Variants in NDST2 observed in about 807,000 individuals in gnomAD.
NDST2 encodes bifunctional heparan sulfate N-deacetylase/N-sulfotransferase 2.
NDST2 carries 32 observed loss-of-function variants against 86.9 expected under a neutral mutation model. The ratio of observed to expected loss-of-function variants is 0.37; its 90% CI spans 0.28 to 0.49. The LOEUF is 0.49. Among genes scored for constraint, NDST2 ranks in the 20% least tolerant of loss-of-function variants. NDST2 has a pLI of 0.97. For missense variants in NDST2, 950 were observed against 1,146.9 expected (o/e 0.83, Z 2.48); for synonymous variants, 409 against 437.0 (o/e 0.94, Z 0.80).
intron 8 of NDST2, among the ~76,000 whole-genome samples, chr10:73,805,101 A>G (rs1047017739): frequency 2.6e-5 from 4 of 151,746 alleles, no homozygotes; most frequent in Non-Finnish European, 5.9e-5. Context: ...GGGTTTCTCC[A>G]AGTTGGTCAG....
chr10:73,802,481 C>T lies in NDST2; in HGVS notation c.2622G>A (p.Arg874=), dbSNP rs1337302175. ...RLGQPVPSWL[R]EELQHSSLG is the part of the protein sequence containing the mutation. ...CCAGACTGGAATGCTGCAGTTCTTC[C>T]CGAAGCCACGAGGGCACTGGCTGTC... is the stretch of plus-strand genomic sequence containing the variant. Residue 874 remains arginine (R), a synonymous_variant, in exon 15 of 15, where the codon CGG becomes CGA. Transcript: ENST00000309979. The T allele has an allele frequency of 3.1e-6, 5 of 1,613,488 alleles. No individual in the cohort carries two copies. Among genetic ancestry groups the T allele is most frequent in the Non-Finnish European group, 4.2e-6 (5 of 1,180,046 alleles).
chr10:73,810,992 G>A (rs1264852414), intron 1 of NDST2, 89 bp from the exon 2 acceptor site: 13 of 397,466 alleles, frequency 3.3e-5, no homozygotes, highest in Admixed American at 1.3e-4. Context: ...GGCTGGGCGG[G>A]GTGGGTGTGT....
chr10:73,811,106 C>G lies in NDST2; in HGVS notation c.-446-203G>C, dbSNP rs988128426. Among the ~76,000 whole-genome samples, 255 of 151,718 alleles carry G rather than the reference C, an allele frequency of 1.7e-3. 3 individuals carry two copies. Among genetic ancestry groups the G allele is most frequent in the Non-Finnish European group, 2.9e-4 (20 of 67,914 alleles). ...GCAGCGGCGCGGAGGCTGCGGGCGC[C>G]GAGGGGGCCCGGGGCTGGCGGGTGG... On this transcript the variant is annotated intron_variant, in intron 1 of 14. Transcript: ENST00000309979.
In NDST2 at chr10:73,802,483, G is replaced by A. The variant is rs749315697; in HGVS notation, c.2620C>T (p.Arg874Trp). 6.9e-5 allele frequency: 112 copies of A among 1,613,546 alleles called. No homozygotes were observed. The highest frequency in any genetic ancestry group is 2.0e-4 in the Admixed American group (12 of 60,004). Residue 874 changes from arginine (R) to tryptophan (W), a missense_variant, in exon 15 of 15, where the codon CGG becomes TGG. This residue lies in a region of NDST2 where 303 missense variants were observed against 323.7 expected (regional missense o/e 0.94). Transcript: ENST00000309979. Reference sequence around the variant, plus strand: ...AGACTGGAATGCTGCAGTTCTTCCCGAAGCCACGAGGGCACTGGCTGTCCA... The same window carrying A: ...AGACTGGAATGCTGCAGTTCTTCCCAAAGCCACGAGGGCACTGGCTGTCCA... ...RLGQPVPSWL[R>W]EELQHSSLG is the part of the protein sequence containing the mutation.
At position 73,806,552 on chromosome 10, in the gene NDST2, A is replaced by G. The variant is rs2084106678; in HGVS notation, c.1249-78T>C. The G allele has an allele frequency of 1.9e-6, 3 of 1,554,226 alleles. No homozygotes were observed. The highest frequency in any genetic ancestry group is 2.6e-6 in the Non-Finnish European group (3 of 1,145,472). ...GGTAAAGAGGGTGGGGAAGCCTCCAAATAAAGAAAAACGCAAAGGATAGGA... is the reference window on the plus strand; with the variant it reads ...GGTAAAGAGGGTGGGGAAGCCTCCAGATAAAGAAAAACGCAAAGGATAGGA... On this transcript the variant is annotated intron_variant, in intron 5 of 14. Transcript: ENST00000309979. This position sits in a 1 kb window ranked among gnomAD's most constrained non-coding sequence, Gnocchi z 4.5.
rs2084114696 is a variant in NDST2, at chr10:73,806,984, A to G, written c.1093+124T>C. The G allele has an allele frequency of 1.4e-6, 2 of 1,385,454 alleles. No homozygotes were observed. The highest frequency in any genetic ancestry group is 3.5e-5 in the Admixed American group (2 of 56,740). 85.8% of individuals were successfully genotyped at this position (1,385,454 alleles called of 1,614,324 possible). A position where few individuals can be genotyped will look rare whatever the true frequency, so the allele number is the denominator to read the frequency against. On this transcript the variant is annotated intron_variant, in intron 4 of 14. Coordinates refer to ENST00000309979, the MANE Select transcript of NDST2 (RefSeq NM_003635.4). The surrounding 1 kb of genome is among the most constrained non-coding windows in gnomAD (Gnocchi z 4.5). The stretch of plus-strand genomic sequence containing the variant: ...CGAACCTAAATTCATGCCCACCACT[A>G]GCTCCTCACAGCAGTCTGACCCCAA...
rs751342574 is a variant in NDST2, at chr10:73,806,722, G to A, written c.1183C>T (p.Pro395Ser). 16 of 1,614,046 alleles carry A rather than the reference G, an allele frequency of 9.9e-6. No homozygotes were observed. Among genetic ancestry groups the A allele is most frequent in the Non-Finnish European group, 1.4e-5 (16 of 1,180,034 alleles). ...ACGGAGCGATTGTGGAACAGGTGTG[G>A]CTGCATGTGGCTCCACATGTGGGGG... is the stretch of plus-strand genomic sequence containing the variant. ...WFPHMWSHMQPHLFHNRSVLA... is the reference protein window; with the variant it reads ...WFPHMWSHMQSHLFHNRSVLA... Residue 395 changes from proline to serine, a missense_variant, in exon 5 of 15, where the codon CCA becomes TCA. Around this residue, in one of 5 missense-constraint regions of NDST2, gnomAD observed 586 missense variants for 714.0 expected, o/e 0.82. Coordinates refer to ENST00000309979, the MANE Select transcript of NDST2 (RefSeq NM_003635.4). The surrounding 1 kb of genome is among the most constrained non-coding windows in gnomAD (Gnocchi z 4.5).
chr10:73,807,687 A>G lies in NDST2; in HGVS notation c.702T>C (p.His234=), dbSNP rs752936552. 2 of 1,614,210 alleles carry G rather than the reference A, an allele frequency of 1.2e-6. No individual in the cohort carries two copies. Among genetic ancestry groups the G allele is most frequent in the Non-Finnish European group, 1.7e-6 (2 of 1,180,036 alleles). Residue 234 remains histidine, a synonymous_variant, in exon 3 of 15, where the codon CAT becomes CAC. Coordinates refer to ENST00000309979, the MANE Select transcript of NDST2 (RefSeq NM_003635.4). ...GDDWTIFQSN[H]STYEPVLLAS... ...CAAGAAGCACTGGTTCATATGTACT[A>G]TGATTGGATTGGAAGATGGTCCAGT...
rs562245369 is a variant in NDST2 at position 73,806,804 on chromosome 10, C to T, written c.1101G>A (p.Glu367=). The change falls in exon 5 of 15, where the codon GAG becomes GAA. Residue 367 remains glutamate (E), a synonymous_variant. Transcript: ENST00000309979. The surrounding 1 kb of genome is among the most constrained non-coding windows in gnomAD (Gnocchi z 4.5). ...FSGKFYHTGT[E]EEDAGDDMLL... is the part of the protein sequence containing the mutation. ...GCATGTCGTCCCCTGCATCCTCCTC[C>T]TCTGTCCCTATGACCACACGCTGAC... The T allele has an allele frequency of 4.3e-6, 7 of 1,614,028 alleles. No homozygotes were observed. The African/African-American group carries it at 8.0e-5, about 18-fold the overall frequency.
chr10:73,807,140 T>C lies in NDST2; in HGVS notation c.1061A>G (p.Asn354Ser). The C allele has an allele frequency of 6.2e-7, 1 of 1,612,852 alleles. No individual in the cohort carries two copies. The highest frequency in any genetic ancestry group is 8.5e-7 in the Non-Finnish European group (1 of 1,179,660). The part of the protein sequence containing the change: ...LRTLVPNFTF[N>S]LGFSGKFYHT... ...ATAGAACTTGCCCGAGAAGCCCAAG[T>C]TGAAGGTGAAGTTGGGAACTAAGGT... Residue 354 changes from asparagine to serine, a missense_variant, in exon 4 of 15, where the codon AAC becomes AGC. By Grantham distance (46) the Asn-to-Ser change is conservative (BLOSUM62 1). Transcript: ENST00000309979.
chr10:73,805,853 A>G, intron 7 of NDST2, 47 bp downstream of exon 7: 1 of 1,613,518 alleles, frequency 6.2e-7, no homozygotes, highest in Non-Finnish European at 8.5e-7. Flanking sequence ...CCAGCCTGCA[A>G]ACACCTTGGC....
chr10:73,811,535 C>A lies in NDST2; in HGVS notation c.-508G>T, dbSNP rs995085406. 4 of 152,346 alleles carry A rather than the reference C, an allele frequency of 2.6e-5. No individual in the cohort carries two copies. The highest frequency in any genetic ancestry group is 9.6e-5 in the African/African-American group (4 of 41,572). The allele number at this position is 152,346 out of a possible 1,614,324, so 9.4% of individuals were successfully genotyped here. On this transcript the variant is annotated 5_prime_UTR_variant, in exon 1 of 15. Transcript: ENST00000309979. ...TCCGCCGCGTCCCGGGGCTGCCCGG[C>A]TTCCCTGCTTTCGGGGCCACGGGCC...
Position 73,810,399 on chromosome 10 carries a change from A to C in NDST2, c.-342+400T>G, listed in dbSNP as rs187603885. On this transcript the variant is annotated intron_variant, in intron 2 of 14. Coordinates refer to ENST00000309979, the MANE Select transcript of NDST2 (RefSeq NM_003635.4). ...CTTGAACGTGGGAGGCGGAAATTGC[A>C]GTGAGCTGAGATTGTGCCACTGTAC... Among the ~76,000 whole-genome samples, 733 of 152,230 alleles carry C rather than the reference A, an allele frequency of 4.8e-3. 8 individuals carry two copies. The highest frequency in any genetic ancestry group is 0.017 in the African/African-American group (707 of 41,512).
At chr10:73,805,810 C>G (rs189099960) in intron 7 of NDST2, 41 bp from the exon 8 acceptor site, 1 of 1,613,310 alleles carries the variant, frequency 6.2e-7, no homozygotes, top group Non-Finnish European at 8.5e-7. Flanking sequence ...AGAGCCTACC[C>G]CACCTCTGAA....
chr10:73,804,135 C>A, intron 9 of NDST2, 119 bp from the exon 10 acceptor site: 1 of 1,184,610 alleles, frequency 8.4e-7, no homozygotes, highest in Non-Finnish European at 1.2e-6. Context: ...CCCCTATGGC[C>A]AAACTACAAT....
intron 11 of NDST2, 97 bp from the exon 12 acceptor site, chr10:73,803,456 G>T: frequency 6.5e-7 from 1 of 1,545,988 alleles, no homozygotes; most frequent in Non-Finnish European, 8.9e-7. Context: ...ACGGGTACCC[G>T]TCCCCAAGGC....
At position 73,803,135 on chromosome 10, in the gene NDST2, A is replaced by T. The variant is rs1240980853; in HGVS notation, c.2313+54T>A. ...ATATTCCTAAGAAGCCTCTGGGCTG[A>T]AGGGAAGAAGAGGGGAAGGGGAACC... On this transcript the variant is annotated intron_variant, in intron 12 of 14. Transcript: ENST00000309979. 8.7e-6 allele frequency: 14 copies of T among 1,613,592 alleles called. No homozygotes were observed. In the East Asian group the frequency reaches 2.7e-4, roughly 31 times the overall value.
chr10:73,808,520 TC>T lies in NDST2; in HGVS notation c.-133del. On this transcript the variant is annotated 5_prime_UTR_variant, in exon 3 of 15. Transcript: ENST00000309979. The surrounding 1 kb of genome is among the most constrained non-coding windows in gnomAD (Gnocchi z 4.3). ...GGGACAGGGATTCCCTTGGGGAGTT[TC>T]CTTTACGAGGTGGAGACGAGTCCCC... is the stretch of plus-strand genomic sequence containing the variant. 1 of 946,706 alleles carries T rather than the reference TC, an allele frequency of 1.1e-6. No individual in the cohort carries two copies. The highest frequency in any genetic ancestry group is 1.5e-6 in the Non-Finnish European group (1 of 653,126). The allele number at this position is 946,706 out of a possible 1,614,324, so 58.6% of individuals were successfully genotyped here. A position where few individuals can be genotyped will look rare whatever the true frequency, so the allele number is the denominator to read the frequency against.
Position 73,808,213 on chromosome 10 carries a change from C to T in NDST2, c.176G>A (p.Gly59Glu). Reference sequence around the variant, plus strand: ...CCGTGCAGGGCCAGGACCAGCTGCCCCACCGCTGCTGCAGTCTCCCAAGGG... The same window carrying T: ...CCGTGCAGGGCCAGGACCAGCTGCCTCACCGCTGCTGCAGTCTCCCAAGGG... ...PLPLGDCSSG[G>E]AAGPGPARPP... is the part of the protein sequence containing the mutation. Residue 59 changes from glycine to glutamate, a missense_variant, in exon 3 of 15, where the codon GGG becomes GAG. Physicochemically the swap from Gly to Glu is moderately conservative, Grantham distance 98. Around this residue, in one of 5 missense-constraint regions of NDST2, gnomAD observed 586 missense variants for 714.0 expected, o/e 0.82. Transcript: ENST00000309979. The surrounding 1 kb of genome is among the most constrained non-coding windows in gnomAD (Gnocchi z 4.3). 1.9e-6 allele frequency: 3 copies of T among 1,613,262 alleles called. No individual in the cohort carries two copies. Among genetic ancestry groups the T allele is most frequent in the Non-Finnish European group, 2.5e-6 (3 of 1,179,596 alleles).
Sources: allele counts gnomAD v4.1 joint callset (sites outside exome capture counted in the v4.1 genomes callset), GRCh38; gene constraint gnomAD v4.1.1; regional missense constraint gnomAD v4.1.1; non-coding constraint Gnocchi (gnomAD v3.1); transcripts MANE v1.5; gene names NCBI Gene and HGNC (gene_info 2026-07-23, HGNC 2026-07-21).